The following SCHIP1 variants were observed in gnomAD, a reference collection of about 807,000 sequenced individuals.
SCHIP1 encodes the protein schwannomin interacting protein 1, also known as schwannomin-interacting protein 1.
SCHIP1 carries 8 observed loss-of-function variants against 29.7 expected under a neutral mutation model. The ratio of observed to expected loss-of-function variants is 0.27; its 90% CI spans 0.16 to 0.49. The LOEUF is 0.49. SCHIP1 is among the 20% of genes least tolerant of loss of function. The probability of loss-of-function intolerance (pLI) is 0.99; values close to 1 mark genes in which losing one functional copy is unlikely to be tolerated. For missense variants in SCHIP1, 193 were observed against 294.6 expected (o/e 0.66, Z 2.52); for synonymous variants, 76 against 94.9 (o/e 0.80, Z 1.16).
chr3:159,674,138 C>T, the SCHIP1 span, among the ~76,000 whole-genome samples: 2 of 152,208 alleles, frequency 1.3e-5, no homozygotes, highest in African/African-American at 4.8e-5. Context: ...GGGCACGCTC[C>T]ATTTATCCCA....
the SCHIP1 span, among the ~76,000 whole-genome samples, chr3:159,503,191 G>C: frequency 3.0e-4 from 46 of 152,148 alleles, no homozygotes; most frequent in African/African-American, 1.1e-3. Flanking sequence ...CCCTAGCTTA[G>C]TACTATTTGA....
chr3:159,494,996 T>A, the SCHIP1 span, among the ~76,000 whole-genome samples: 14 of 152,158 alleles, frequency 9.2e-5, 1 homozygote, highest in African/African-American at 2.9e-4. Context: ...ACAGAACCAA[T>A]GACAAAAACC....
chr3:159,474,216 G>A, the SCHIP1 span, among the ~76,000 whole-genome samples: 1 of 152,118 alleles, frequency 6.6e-6, no homozygotes, highest in East Asian at 1.9e-4. Flanking sequence ...GCTTCAAATA[G>A]TTATTTGGTT....
At chr3:159,776,615 A>G in the SCHIP1 span, among the ~76,000 whole-genome samples, 11 of 152,348 alleles carry the variant, frequency 7.2e-5, 2 homozygotes, top group Non-Finnish European at 5.9e-5. Context: ...TAGAAGAACA[A>G]CTTTAGGCAG....
At chr3:159,720,276 C>G in the SCHIP1 span, among the ~76,000 whole-genome samples, 2 of 151,498 alleles carry the variant, frequency 1.3e-5, no homozygotes, top group South Asian at 4.2e-4. Context: ...AGGAGAAACA[C>G]CTAATGTAAA....
At chr3:159,482,457 G>A in the SCHIP1 span, among the ~76,000 whole-genome samples, 5 of 152,116 alleles carry the variant, frequency 3.3e-5, no homozygotes, top group African/African-American at 9.7e-5. Flanking sequence ...GATGTAACAC[G>A]ATTCCAGAGA....
chr3:159,283,633 G>A, the SCHIP1 span, among the ~76,000 whole-genome samples: 2 of 151,674 alleles, frequency 1.3e-5, no homozygotes, highest in Non-Finnish European at 2.9e-5. Flanking sequence ...ACCTCTAATT[G>A]GTTATTACTA....
At chr3:159,713,644 G>T in the SCHIP1 span, among the ~76,000 whole-genome samples, 1 of 152,186 alleles carries the variant, frequency 6.6e-6, no homozygotes, top group Non-Finnish European at 1.5e-5. Context: ...AGTTGAATCT[G>T]CTAGAAGCAT....
chr3:159,561,741 G>A, the SCHIP1 span, among the ~76,000 whole-genome samples: 1 of 152,134 alleles, frequency 6.6e-6, no homozygotes. Context: ...ATGGACTTAA[G>A]TAGATGGTGG....
At chr3:159,853,248 G>A (rs1310544282) in intron 1 of SCHIP1, 10 of 514,828 alleles carry the variant, frequency 1.9e-5, no homozygotes, top group East Asian at 3.3e-5. Flanking sequence ...GAACACACAC[G>A]GCCGGGCACA....
chr3:159,879,988 A>G (rs568705044), intron 2 of SCHIP1, among the ~76,000 whole-genome samples: 1 of 152,316 alleles, frequency 6.6e-6, no homozygotes, highest in Non-Finnish European at 1.5e-5. Flanking sequence ...GGAAGGGTCC[A>G]GAACTAGTCT....
At chr3:159,887,530 T>C (rs1164173597) in intron 3 of SCHIP1, 178 bp from the exon 5 acceptor site, 4 of 677,132 alleles carry the variant, frequency 5.9e-6, no homozygotes, top group Non-Finnish European at 1.0e-5. Flanking sequence ...CTAAAATCTA[T>C]TTTAAACTAG....
the SCHIP1 span, among the ~76,000 whole-genome samples, chr3:159,335,877 T>C: frequency 6.6e-6 from 1 of 152,222 alleles, no homozygotes; most frequent in Non-Finnish European, 1.5e-5. Flanking sequence ...GATGGCTGCG[T>C]CAAATGGTAT....
the SCHIP1 span, among the ~76,000 whole-genome samples, chr3:159,572,797 C>T: frequency 6.6e-6 from 1 of 152,120 alleles, no homozygotes; most frequent in Non-Finnish European, 1.5e-5. Flanking sequence ...TCTGGGTGCT[C>T]CTGTATTGGG....
rs773978788 is a variant in SCHIP1, at chr3:159,886,180, A to T, written c.150-27A>T. The T allele has an allele frequency of 2.5e-6, 4 of 1,611,220 alleles. No individual in the cohort carries two copies. In the South Asian group the frequency reaches 4.4e-5, roughly 18 times the overall value. ...GCCAAATAACAAACAGCTAAGTAGA[A>T]CTAGTGTCCTGTTTGTTTCTGCCCA... On this transcript the variant is annotated intron_variant, in intron 2 of 6. Coordinates refer to ENST00000445224, the Ensembl canonical transcript of SCHIP1.
At chr3:159,399,820 G>GCA in the SCHIP1 span, among the ~76,000 whole-genome samples, 1 of 152,106 alleles carries the variant, frequency 6.6e-6, no homozygotes, top group South Asian at 2.1e-4. Flanking sequence ...AGGATTATAG[G>GCA]CACACACCAC....
chr3:159,514,077 C>T, the SCHIP1 span, among the ~76,000 whole-genome samples: 1 of 152,198 alleles, frequency 6.6e-6, no homozygotes, highest in Non-Finnish European at 1.5e-5. Context: ...CTGGAATTAA[C>T]TTACGCACAT....
At chr3:159,829,188 A>G in the SCHIP1 span, among the ~76,000 whole-genome samples, 2 of 152,226 alleles carry the variant, frequency 1.3e-5, no homozygotes, top group Non-Finnish European at 2.9e-5. Flanking sequence ...ATTGTGTCCA[A>G]TAAACAAGTA....
the SCHIP1 span, among the ~76,000 whole-genome samples, chr3:159,376,941 T>C: frequency 1.3e-5 from 2 of 152,228 alleles, no homozygotes; most frequent in Admixed American, 6.5e-5. Flanking sequence ...TTATAGTTTT[T>C]AAATGTGCTA....
Sources: gnomAD v4.1 joint callset for allele counts (sites outside exome capture counted in the v4.1 genomes callset) on GRCh38, gnomAD v4.1.1 for gene constraint, MANE v1.5 for transcripts, NCBI Gene and HGNC (gene_info 2026-07-23, HGNC 2026-07-21) for gene names.